SEC22A: variants seen among roughly 807,000 people sequenced by gnomAD.
The protein encoded by SEC22A is vesicle-trafficking protein SEC22a.
A neutral mutation model predicts 35.3 loss-of-function variants in SEC22A; 22 were observed. The ratio of observed to expected loss-of-function variants is 0.62; its 90% confidence interval spans 0.45 to 0.89. The LOEUF (loss-of-function observed/expected upper bound fraction) is 0.89, where lower values mean the gene tolerates loss of function less well. Among genes scored for constraint, SEC22A ranks in the 40% least tolerant of loss-of-function variants. SEC22A has a pLI of 0.00. For synonymous variants in SEC22A, 119 were observed against 129.5 expected, an observed-to-expected ratio of 0.92 and a Z score of 0.55; for missense variants, 354 against 362.5, an observed-to-expected ratio of 0.98 and a Z score of 0.19.
At chr3:123,218,037 C>T (rs778186033) in intron 2 of SEC22A, among the ~76,000 whole-genome samples, 1 of 152,170 alleles carries the variant, frequency 6.6e-6, no homozygotes, top group African/African-American at 2.4e-5. Context: ...GTTTGTAAAT[C>T]AAATTAGATA....
At chr3:123,242,724 T>C (rs997380565) in intron 4 of SEC22A, among the ~76,000 whole-genome samples, 5 of 152,144 alleles carry the variant, frequency 3.3e-5, no homozygotes, top group Non-Finnish European at 1.5e-5. Context: ...GTCTGACTTA[T>C]AGAAAATAAT....
intron 5 of SEC22A, among the ~76,000 whole-genome samples, chr3:123,250,905 G>C (rs941614753): frequency 1.3e-5 from 2 of 152,162 alleles, no homozygotes; most frequent in African/African-American, 4.8e-5. Flanking sequence ...GGAAAATTGA[G>C]TGGGAATGAG....
chr3:123,204,937 G>A (rs1484267826), intron 1 of SEC22A: 1 of 152,070 alleles, frequency 6.6e-6, no homozygotes, highest in East Asian at 1.9e-4. Context: ...GTTCTTCCTT[G>A]GGATTTTCCC....
chr3:123,232,260 G>A (rs376605678), intron 4 of SEC22A, among the ~76,000 whole-genome samples: 1 of 151,940 alleles, frequency 6.6e-6, no homozygotes, highest in Admixed American at 6.6e-5. Flanking sequence ...GAAATGAAAA[G>A]GATGGCATTT....
At chr3:123,228,207 C>T (rs919948216) in intron 4 of SEC22A, among the ~76,000 whole-genome samples, 1 of 151,504 alleles carries the variant, frequency 6.6e-6, no homozygotes, top group Non-Finnish European at 1.5e-5. Flanking sequence ...GGGCTAGTAC[C>T]CACATTGTTA....
intron 4 of SEC22A, among the ~76,000 whole-genome samples, chr3:123,233,037 G>A (rs574963007): frequency 6.6e-6 from 1 of 152,146 alleles, no homozygotes; most frequent in South Asian, 2.1e-4. Flanking sequence ...GGCTGAGGTG[G>A]GAGAATCATT....
chr3:123,239,455 C>T (rs1242235973), intron 4 of SEC22A, among the ~76,000 whole-genome samples: 1 of 151,900 alleles, frequency 6.6e-6, no homozygotes, highest in Non-Finnish European at 1.5e-5. Flanking sequence ...CCTCCACCCA[C>T]CCCACAACAG....
chr3:123,235,252 A>G lies in SEC22A; in HGVS notation c.541+9955A>G, dbSNP rs527423850. 4.6e-5 allele frequency among the ~76,000 whole-genome samples: 7 copies of G among 152,296 alleles called. No individual in the cohort carries two copies. In the East Asian group the frequency reaches 1.2e-3, roughly 25 times the overall value. ...TTAAGAAAATGAAAAGGCAACCGAC[A>G]CAATGGGAGAAAATACTTGTAAATC... is the stretch of plus-strand genomic sequence containing the variant. On this transcript the variant is annotated intron_variant, in intron 4 of 6. Transcript: ENST00000492595.
chr3:123,243,268 G>A (rs1559759463), intron 4 of SEC22A, among the ~76,000 whole-genome samples: 2 of 151,930 alleles, frequency 1.3e-5, no homozygotes, highest in Non-Finnish European at 2.9e-5. Flanking sequence ...GGGCGGGGTG[G>A]GGCAGAAAAC....
chr3:123,212,832 A>C (rs1350882034), intron 2 of SEC22A, among the ~76,000 whole-genome samples: 1 of 152,164 alleles, frequency 6.6e-6, no homozygotes, highest in African/African-American at 2.4e-5. Flanking sequence ...TAGATAGTCC[A>C]TCCATTTGTT....
intron 3 of SEC22A, among the ~76,000 whole-genome samples, chr3:123,224,809 C>T (rs530441816): frequency 1.3e-5 from 2 of 152,118 alleles, no homozygotes; most frequent in East Asian, 3.9e-4. Context: ...AAATTCAAGA[C>T]TTTGGTTTAA....
In SEC22A at chr3:123,269,179, ATGTGTG is replaced by A. The variant is rs200267944; in HGVS notation, c.724-2311_724-2306del. Among the ~76,000 whole-genome samples the A allele has an allele frequency of 8.2e-4, 99 of 120,738 alleles. 1 individual carries two copies. The highest frequency in any genetic ancestry group is 8.1e-3 in the Middle Eastern group (2 of 246). 79.2% of individuals were successfully genotyped at this position (120,738 alleles called of 152,430 possible). On this transcript the variant is annotated intron_variant, in intron 6 of 6. Coordinates refer to ENST00000492595, the MANE Select transcript of SEC22A (RefSeq NM_012430.5). ...CCTTGGAAAACCTTGAATTAAATAT[ATGTGTG>A]TGTGTGTGTGTGTGTGTGTGTGTGT...
intron 4 of SEC22A, among the ~76,000 whole-genome samples, chr3:123,240,224 A>G (rs1353315282): frequency 6.6e-6 from 1 of 152,204 alleles, no homozygotes; most frequent in Non-Finnish European, 1.5e-5. Flanking sequence ...TACAGAATAA[A>G]AAGACATGAT....
intron 6 of SEC22A, among the ~76,000 whole-genome samples, chr3:123,270,698 T>C (rs1938140314): frequency 6.6e-6 from 1 of 152,186 alleles, no homozygotes; most frequent in Non-Finnish European, 1.5e-5. Flanking sequence ...AGTATGTTTA[T>C]AGTATGTTGT....
At chr3:123,233,151 T>C (rs1252822669) in intron 4 of SEC22A, among the ~76,000 whole-genome samples, 1 of 152,130 alleles carries the variant, frequency 6.6e-6, no homozygotes, top group Non-Finnish European at 1.5e-5. Flanking sequence ...ATTACAGTTA[T>C]GTGCTACATA....
At position 123,271,527 on chromosome 3, in the gene SEC22A, T is replaced by C; in HGVS notation, c.729T>C (p.Tyr243=). The C allele has an allele frequency of 1.2e-6, 2 of 1,612,330 alleles. No homozygotes were observed. The highest frequency in any genetic ancestry group is 1.7e-6 in the Non-Finnish European group (2 of 1,179,494). ...LGTAACLYQC[Y]LLVYYTGWRN... Reference sequence around the variant, plus strand: ...CATTTTTATATTTTGAACAGTGTTATTTACTTGTCTACTACACCGGCTGGC... The same window carrying C: ...CATTTTTATATTTTGAACAGTGTTACTTACTTGTCTACTACACCGGCTGGC... The change falls in exon 7 of 7, where the codon TAT becomes TAC. Residue 243 remains tyrosine, a synonymous_variant. Transcript: ENST00000492595.
chr3:123,217,966 A>C (rs1224364648), intron 2 of SEC22A, among the ~76,000 whole-genome samples: 1 of 152,260 alleles, frequency 6.6e-6, no homozygotes, highest in South Asian at 2.1e-4. Flanking sequence ...TTGGTGCAAC[A>C]GGCCAGAATT....
intron 4 of SEC22A, among the ~76,000 whole-genome samples, chr3:123,244,662 A>G (rs1031015595): frequency 3.3e-5 from 5 of 152,172 alleles, no homozygotes. Context: ...TTGTGTTTTT[A>G]TAACTGTTTA....
chr3:123,205,417 A>C (rs757979936), intron 1 of SEC22A, among the ~76,000 whole-genome samples: 1 of 152,172 alleles, frequency 6.6e-6, no homozygotes, highest in African/African-American at 2.4e-5. Flanking sequence ...GGCTGGGCGC[A>C]GTGGCTCACA....
Sources: allele counts gnomAD v4.1 joint callset (sites outside exome capture counted in the v4.1 genomes callset), GRCh38; gene constraint gnomAD v4.1.1; transcripts MANE v1.5; gene names NCBI Gene and HGNC (gene_info 2026-07-23, HGNC 2026-07-21).